Variants in PIK3CA observed in about 807,000 individuals in gnomAD.
The protein encoded by PIK3CA is phosphatidylinositol-4,5-bisphosphate 3-kinase catalytic subunit alpha.
In PIK3CA, 27 loss-of-function variants were observed where a neutral mutation model predicts 138.2. That is an observed-to-expected ratio of 0.20 (90% confidence interval 0.14 to 0.27). PIK3CA has a LOEUF of 0.27. PIK3CA is among the 10% of genes least tolerant of loss of function. The probability of loss-of-function intolerance (pLI) is 1.00; values close to 1 mark genes in which losing one functional copy is unlikely to be tolerated. For missense variants in PIK3CA, 544 were observed against 1,277.4 expected, an observed-to-expected ratio of 0.43 and a Z score of 8.75; for synonymous variants, 358 against 413.2, an observed-to-expected ratio of 0.87 and a Z score of 1.62.
chr3:179,172,860 C>T (rs2108363583), intron 1 of PIK3CA, among the ~76,000 whole-genome samples: 1 of 152,170 alleles, frequency 6.6e-6, no homozygotes, highest in Non-Finnish European at 1.5e-5. Context: ...AAAAACATAA[C>T]CACACATAAA....
intron 1 of PIK3CA, among the ~76,000 whole-genome samples, chr3:179,182,048 T>C (rs1386276593): frequency 6.6e-6 from 1 of 152,234 alleles, no homozygotes; most frequent in Non-Finnish European, 1.5e-5. Flanking sequence ...AGTCGTTCCC[T>C]TTCCTGAATT....
At chr3:179,215,363 T>C (rs538432484) in intron 9 of PIK3CA, among the ~76,000 whole-genome samples, 7 of 152,320 alleles carry the variant, frequency 4.6e-5, no homozygotes, top group African/African-American at 1.4e-4. Flanking sequence ...TATAGCAGAA[T>C]AAAACTTCTA....
intron 9 of PIK3CA, among the ~76,000 whole-genome samples, chr3:179,211,195 C>CACAA: frequency 6.6e-6 from 1 of 152,122 alleles, no homozygotes; most frequent in Non-Finnish European, 1.5e-5. Flanking sequence ...AACATACACA[C>CACAA]ACAAACACAG....
intron 9 of PIK3CA, among the ~76,000 whole-genome samples, chr3:179,212,196 C>T (rs1160099773): frequency 4.0e-5 from 6 of 151,424 alleles, no homozygotes; most frequent in African/African-American, 1.2e-4. Context: ...TTAATAGAGA[C>T]GGGGTGTCTC....
In PIK3CA at chr3:179,199,814, T is replaced by A. The variant is rs1408351290; in HGVS notation, c.477T>A (p.Pro159=). The change falls in exon 3 of 21, where the codon CCT becomes CCA. Residue 159 remains proline, a synonymous_variant. Transcript: ENST00000263967. ...TGGATCTTAGGGACCTCAATTCACC[T>A]CATAGTAGAGCAATGTATGTCTATC... ...EAVDLRDLNS[P]HSRAMYVYPP... is the part of the protein sequence containing the mutation. The A allele has an allele frequency of 6.2e-7, 1 of 1,612,662 alleles. No individual in the cohort carries two copies. The highest frequency in any genetic ancestry group is 8.5e-7 in the Non-Finnish European group (1 of 1,178,756).
chr3:179,212,100 C>T (rs896320902), intron 9 of PIK3CA, among the ~76,000 whole-genome samples: 9 of 151,956 alleles, frequency 5.9e-5, no homozygotes, highest in South Asian at 4.2e-4. Context: ...CTCTGCCTCC[C>T]GGGTTCAAGT....
chr3:179,201,818 G>A lies in PIK3CA; in HGVS notation c.813+278G>A, dbSNP rs115075681. ...GACAGGTTTTGCACCATGTTATCTA[G>A]GATAGTCTTGATCTCCTGACCTCGT... On this transcript the variant is annotated intron_variant, in intron 4 of 20. Transcript: ENST00000263967. 6.6e-3 allele frequency among the ~76,000 whole-genome samples: 1,004 copies of A among 152,084 alleles called. 5 individuals carry two copies. Among genetic ancestry groups the A allele is most frequent in the Non-Finnish European group, 0.011 (754 of 67,996 alleles).
At chr3:179,227,596 G>A (rs983672375) in intron 17 of PIK3CA, among the ~76,000 whole-genome samples, 1 of 152,030 alleles carries the variant, frequency 6.6e-6, no homozygotes, top group Admixed American at 6.6e-5. Context: ...TTAGTTTTAA[G>A]AGTTTACTCA....
intron 1 of PIK3CA, among the ~76,000 whole-genome samples, chr3:179,160,947 G>A (rs903296605): frequency 1.4e-5 from 2 of 138,466 alleles, no homozygotes; most frequent in Non-Finnish European, 3.1e-5. Context: ...TTTGTTCAAT[G>A]TTACATAGTA....
At position 179,198,850 on chromosome 3, in the gene PIK3CA, G is replaced by T. The variant is rs2108385031; in HGVS notation, c.25G>T (p.Glu9Ter). 6.4e-7 allele frequency: 1 copy of T among 1,561,040 alleles called. No homozygotes were observed. The highest frequency in any genetic ancestry group is 1.2e-5 in the South Asian group (1 of 82,910). MPPRPSSG[E>*]LWGIHLMPPR... ...AATGCCTCCACGACCATCATCAGGTGAACTGTGGGGCATCCACTTGATGCC... is the reference window on the plus strand; with the variant it reads ...AATGCCTCCACGACCATCATCAGGTTAACTGTGGGGCATCCACTTGATGCC... The change falls in exon 2 of 21, where the codon GAA becomes TAA. Residue 9 changes from glutamate to a stop codon, truncating the protein, a stop_gained. Transcript: ENST00000263967. LOFTEE classifies it high-confidence loss of function.
At chr3:179,226,838 A>G (rs1279114838) in intron 17 of PIK3CA, among the ~76,000 whole-genome samples, 1 of 152,142 alleles carries the variant, frequency 6.6e-6, no homozygotes. Context: ...CTAAGGCACA[A>G]AATTGTCATC....
At chr3:179,149,010 G>A (rs1369832833) in intron 1 of PIK3CA, among the ~76,000 whole-genome samples, 1 of 152,090 alleles carries the variant, frequency 6.6e-6, no homozygotes, top group Non-Finnish European at 1.5e-5. Context: ...CGGCTCAAGG[G>A]ACGCGGGCGC....
chr3:179,161,035 C>T (rs534427689), intron 1 of PIK3CA, among the ~76,000 whole-genome samples: 2 of 152,226 alleles, frequency 1.3e-5, no homozygotes, highest in South Asian at 2.1e-4. Context: ...TCCCTTCTTC[C>T]TCGGTGTAAG....
rs188867528 is a variant in PIK3CA, at chr3:179,236,203, A to C, written c.*1839A>C. On this transcript the variant is annotated 3_prime_UTR_variant, in exon 21 of 21. Transcript: ENST00000263967. ...TATTTTAGATCCCTTAAAGGGCATA[A>C]TTATTGGAAATTTAGGTATTTCACT... is the stretch of plus-strand genomic sequence containing the variant. 9.8e-6 allele frequency: 2 copies of C among 204,162 alleles called. No individual in the cohort carries two copies. Among genetic ancestry groups the C allele is most frequent in the Admixed American group, 6.0e-5 (1 of 16,704 alleles). 12.6% of individuals were successfully genotyped at this position (204,162 alleles called of 1,614,324 possible). A position where few individuals can be genotyped will look rare whatever the true frequency, so the allele number is the denominator to read the frequency against.
rs768668257 is a variant in PIK3CA, at chr3:179,230,423, C to G, written c.2936+47C>G. On this transcript the variant is annotated intron_variant, in intron 20 of 20. Transcript: ENST00000263967. The surrounding 1 kb of genome is among the most constrained non-coding windows in gnomAD (Gnocchi z 5.4). ...CACAAAATAAAGAGTTCTGGCTGCT[C>G]TATTAGAAACAATCAATATTTTTCA... 2.1e-6 allele frequency: 3 copies of G among 1,433,418 alleles called. No homozygotes were observed. Among genetic ancestry groups the G allele is most frequent in the Admixed American group, 2.2e-5 (1 of 45,176 alleles). The allele number at this position is 1,433,418 out of a possible 1,614,324, so 88.8% of individuals were successfully genotyped here. A position where few individuals can be genotyped will look rare whatever the true frequency, so the allele number is the denominator to read the frequency against.
chr3:179,164,148 A>G (rs1723354528), intron 1 of PIK3CA, among the ~76,000 whole-genome samples: 1 of 152,178 alleles, frequency 6.6e-6, no homozygotes, highest in South Asian at 2.1e-4. Context: ...CTATATGAGT[A>G]CAAGTATACA....
intron 6 of PIK3CA, among the ~76,000 whole-genome samples, chr3:179,209,182 T>G (rs1724645889): frequency 6.6e-6 from 1 of 151,922 alleles, no homozygotes; most frequent in Non-Finnish European, 1.5e-5. Flanking sequence ...TTCTGTGGTT[T>G]TATTCCTACA....
In PIK3CA at chr3:179,230,023, C is replaced by T. The variant is rs2108424023; in HGVS notation, c.2686C>T (p.Leu896=). ...KGEIYDAAID[L]FTRSCAGYCV... ...TTGTAGATATGATGCAGCCATTGAC[C>T]TGTTTACACGTTCATGTGCTGGATA... Residue 896 remains leucine (L), a synonymous_variant, in exon 19 of 21, where the codon CTG becomes TTG. Coordinates refer to ENST00000263967, the MANE Select transcript of PIK3CA (RefSeq NM_006218.4). The surrounding 1 kb of genome is among the most constrained non-coding windows in gnomAD (Gnocchi z 5.4). 1.2e-6 allele frequency: 2 copies of T among 1,612,294 alleles called. No individual in the cohort carries two copies. Among genetic ancestry groups the T allele is most frequent in the Admixed American group, 1.7e-5 (1 of 59,928 alleles).
rs1275125147 is a variant in PIK3CA, at chr3:179,237,697, A to C, written c.*3333A>C. The stretch of plus-strand genomic sequence containing the variant: ...CAGCCTATTTGAAAGGCATCATGGA[A>C]ATTTCACAGCACAATAACACGGATT... On this transcript the variant is annotated 3_prime_UTR_variant, in exon 21 of 21. Coordinates refer to ENST00000263967, the MANE Select transcript of PIK3CA (RefSeq NM_006218.4). 3 of 211,012 alleles carry C rather than the reference A, an allele frequency of 1.4e-5. No homozygotes were observed. Among genetic ancestry groups the C allele is most frequent in the Non-Finnish European group, 2.9e-5 (3 of 103,998 alleles). 13.1% of individuals were successfully genotyped at this position (211,012 alleles called of 1,614,324 possible). A position where few individuals can be genotyped will look rare whatever the true frequency, so the allele number is the denominator to read the frequency against.
Sources: gnomAD v4.1 joint callset for allele counts (sites outside exome capture counted in the v4.1 genomes callset) on GRCh38, gnomAD v4.1.1 for gene constraint, Gnocchi (gnomAD v3.1) non-coding constraint, MANE v1.5 for transcripts, NCBI Gene and HGNC (gene_info 2026-07-23, HGNC 2026-07-21) for gene names.